The following ACBD6 variants were observed in gnomAD, a reference collection of about 807,000 sequenced individuals.
ACBD6 encodes the protein acyl-CoA binding domain containing 6.
A neutral mutation model predicts 37.2 loss-of-function variants in ACBD6; 28 were observed. The observed-to-expected ratio is 0.75, with a 90% CI of 0.56 to 1.03. The LOEUF (loss-of-function observed/expected upper bound fraction) is 1.03. ACBD6 is among the 50% of genes least tolerant of loss of function. ACBD6 has a pLI of 0.00. For missense variants in ACBD6, 340 were observed against 337.4 expected (o/e 1.01, Z -0.06); for synonymous variants, 113 against 126.8 (o/e 0.89, Z 0.73).
intron 6 of ACBD6, among the ~76,000 whole-genome samples, chr1:180,392,680 T>A (rs938575758): frequency 6.6e-6 from 1 of 152,128 alleles, no homozygotes; most frequent in South Asian, 2.1e-4. Context: ...ACTTGTTATA[T>A]CCTACCCAAC....
intron 6 of ACBD6, among the ~76,000 whole-genome samples, chr1:180,338,984 C>T (rs1651859284): frequency 6.6e-6 from 1 of 152,110 alleles, no homozygotes; most frequent in Admixed American, 6.5e-5. Flanking sequence ...CAATGAGATA[C>T]CATCTCACAC....
intron 6 of ACBD6, among the ~76,000 whole-genome samples, chr1:180,330,872 T>C (rs1651456067): frequency 6.6e-6 from 1 of 152,222 alleles, no homozygotes; most frequent in African/African-American, 2.4e-5. Flanking sequence ...CACACGGTGG[T>C]CTTCTAATCA....
chr1:180,439,166 G>A (rs1571512728), intron 3 of ACBD6, among the ~76,000 whole-genome samples: 1 of 152,000 alleles, frequency 6.6e-6, no homozygotes, highest in Non-Finnish European at 1.5e-5. Context: ...ACCATTTTTG[G>A]TATTTAACTC....
chr1:180,352,102 G>A (rs1383646003), intron 6 of ACBD6, among the ~76,000 whole-genome samples: 1 of 152,124 alleles, frequency 6.6e-6, no homozygotes, highest in Non-Finnish European at 1.5e-5. Flanking sequence ...CAAATTCAGA[G>A]AGACAGAAAG....
intron 6 of ACBD6, among the ~76,000 whole-genome samples, chr1:180,383,496 T>C (rs1156768863): frequency 6.6e-6 from 1 of 151,998 alleles, no homozygotes; most frequent in Non-Finnish European, 1.5e-5. Flanking sequence ...AAGATCTCTA[T>C]AAGGAAAACT....
At chr1:180,371,453 A>G (rs1232515583) in intron 6 of ACBD6, among the ~76,000 whole-genome samples, 1 of 152,122 alleles carries the variant, frequency 6.6e-6, no homozygotes, top group African/African-American at 2.4e-5. Context: ...ATACCACAAA[A>G]TTAGATGTGG....
At position 180,288,344 on chromosome 1, in the gene ACBD6, C is replaced by A. The variant is rs758376969; in HGVS notation, c.*19G>T. 6.2e-7 allele frequency: 1 copy of A among 1,613,444 alleles called. No individual in the cohort carries two copies. Among genetic ancestry groups the A allele is most frequent in the Non-Finnish European group, 8.5e-7 (1 of 1,179,870 alleles). ...GGAAGCCTTATGCTATTACAGACTG[C>A]AGTTTTCCAGTCTTTTGATTAAGCC... On this transcript the variant is annotated 3_prime_UTR_variant, in exon 8 of 8. Transcript: ENST00000367595.
At chr1:180,291,181 C>T (rs565136023) in intron 7 of ACBD6, among the ~76,000 whole-genome samples, 3 of 152,274 alleles carry the variant, frequency 2.0e-5, no homozygotes, top group African/African-American at 2.4e-5. Context: ...AGGGATCTTA[C>T]GAACAGTTGG....
chr1:180,312,782 TCAGA>T (rs1650643119), intron 7 of ACBD6, among the ~76,000 whole-genome samples: 1 of 152,218 alleles, frequency 6.6e-6, no homozygotes, highest in African/African-American at 2.4e-5. Context: ...ATGCCAGGTG[TCAGA>T]CATTGTTCCA....
At chr1:180,363,488 T>C (rs1387344257) in intron 6 of ACBD6, among the ~76,000 whole-genome samples, 1 of 152,254 alleles carries the variant, frequency 6.6e-6, no homozygotes, top group Non-Finnish European at 1.5e-5. Flanking sequence ...TTGAGTTCCT[T>C]ATTTTGTTTT....
chr1:180,485,913 C>A (rs1661434372), intron 3 of ACBD6, among the ~76,000 whole-genome samples: 3 of 149,222 alleles, frequency 2.0e-5, no homozygotes. Flanking sequence ...AATATAAATA[C>A]AGGAGCCATC....
chr1:180,347,360 G>GTTTT (rs775301259), intron 6 of ACBD6, among the ~76,000 whole-genome samples: 3 of 49,074 alleles, frequency 6.1e-5, no homozygotes, highest in African/African-American at 9.9e-5. Flanking sequence ...TCAACAGAAA[G>GTTTT]TTTTTTTTTT....
intron 3 of ACBD6, among the ~76,000 whole-genome samples, chr1:180,462,667 A>C (rs1650195500): frequency 6.6e-6 from 1 of 152,216 alleles, no homozygotes; most frequent in Non-Finnish European, 1.5e-5. Context: ...TATTAGATAG[A>C]TCACTGAGAT....
chr1:180,499,871 C>G lies in ACBD6; in HGVS notation c.222+2174G>C, dbSNP rs75792358. On this transcript the variant is annotated intron_variant, in intron 1 of 7. Transcript: ENST00000367595. Reference sequence around the variant, plus strand: ...ACCATTTGTTCCTACAGCTTTCTCTCTCAGGTCACATTAACTGATATTCAT... The same window carrying G: ...ACCATTTGTTCCTACAGCTTTCTCTGTCAGGTCACATTAACTGATATTCAT... 8.7e-3 allele frequency among the ~76,000 whole-genome samples: 1,330 copies of G among 152,272 alleles called. 73 individuals carry two copies. In the East Asian group the frequency reaches 0.17, roughly 19 times the overall value.
chr1:180,430,790 C>T (rs1481542363), intron 3 of ACBD6, among the ~76,000 whole-genome samples: 1 of 151,202 alleles, frequency 6.6e-6, no homozygotes, highest in Non-Finnish European at 1.5e-5. Context: ...AAGAAGCAAA[C>T]TGCACAGAAA....
At chr1:180,320,622 G>C (rs543715752) in intron 6 of ACBD6, among the ~76,000 whole-genome samples, 41 of 152,278 alleles carry the variant, frequency 2.7e-4, no homozygotes, top group African/African-American at 8.7e-4. Context: ...CTGGGTGACA[G>C]AGCGAGATCC....
intron 3 of ACBD6, among the ~76,000 whole-genome samples, chr1:180,444,300 A>C (rs1257955719): frequency 1.3e-5 from 2 of 151,382 alleles, no homozygotes; most frequent in East Asian, 3.9e-4. Context: ...AAAAAAAAAA[A>C]GAAAGTACTT....
chr1:180,357,218 G>A (rs575011467), intron 6 of ACBD6, among the ~76,000 whole-genome samples: 1 of 152,086 alleles, frequency 6.6e-6, no homozygotes, highest in Non-Finnish European at 1.5e-5. Context: ...CTAACATCCT[G>A]AAATAAGTAA....
At chr1:180,277,674 T>G (rs1649115692) in intron 9 of ACBD6, 1 of 152,206 alleles carries the variant, frequency 6.6e-6, no homozygotes, top group African/African-American at 2.4e-5. Flanking sequence ...CTTCAAGGAC[T>G]TGCTATGCAA....
Sources: gnomAD v4.1 joint callset for allele counts (sites outside exome capture counted in the v4.1 genomes callset) on GRCh38, gnomAD v4.1.1 for gene constraint, MANE v1.5 for transcripts, NCBI Gene and HGNC (gene_info 2026-07-23, HGNC 2026-07-21) for gene names.